Variants in DCLK1 observed in about 807,000 individuals in gnomAD.
DCLK1 encodes the protein doublecortin like kinase 1, also known as serine/threonine-protein kinase DCLK1.
Under a neutral mutation model 86.2 loss-of-function variants are expected in DCLK1, and 16 were observed. The observed-to-expected ratio is 0.19, with a 90% CI of 0.13 to 0.28. DCLK1 has a LOEUF of 0.28. Among genes scored for constraint, DCLK1 ranks in the 10% least tolerant of loss-of-function variants. The pLI, the probability that DCLK1 is intolerant of heterozygous loss-of-function variation, is 1.00. For synonymous variants in DCLK1, 369 were observed against 370.5 expected (o/e 1.00, Z 0.05); for missense variants, 590 against 940.2 (o/e 0.63, Z 4.87).
chr13:35,890,762 T>C (rs1195552292), intron 4 of DCLK1, among the ~76,000 whole-genome samples: 5 of 152,158 alleles, frequency 3.3e-5, no homozygotes, highest in African/African-American at 9.7e-5. Flanking sequence ...TTCCCTGTTG[T>C]ATTAGTTTAC....
chr13:35,912,401 T>C (rs995948817), intron 4 of DCLK1, among the ~76,000 whole-genome samples: 46 of 152,212 alleles, frequency 3.0e-4, no homozygotes, highest in African/African-American at 1.1e-3. Context: ...AAACTACCTA[T>C]GGCCCACCCC....
intron 10 of DCLK1, among the ~76,000 whole-genome samples, chr13:35,825,118 G>A (rs554397566): frequency 1.3e-4 from 20 of 152,268 alleles, no homozygotes; most frequent in Middle Eastern, 3.4e-3. Flanking sequence ...ATTAACTGCC[G>A]ATCCACTGCC....
At chr13:36,039,472 C>T (rs577184666) in intron 3 of DCLK1, among the ~76,000 whole-genome samples, 107 of 152,222 alleles carry the variant, frequency 7.0e-4, no homozygotes, top group Admixed American at 1.4e-3. Flanking sequence ...TCAAAATGTG[C>T]GAACATCGGT....
intron 5 of DCLK1, among the ~76,000 whole-genome samples, chr13:35,868,482 A>G (rs929861921): frequency 6.6e-6 from 1 of 152,202 alleles, no homozygotes. Context: ...TTGTTTTTTT[A>G]TTCATCTTAT....
chr13:35,907,848 A>T (rs1874773292), intron 4 of DCLK1, among the ~76,000 whole-genome samples: 1 of 151,606 alleles, frequency 6.6e-6, no homozygotes, highest in Non-Finnish European at 1.5e-5. Context: ...CTTTAAAAAA[A>T]AAAAAAAAGA....
At chr13:36,115,773 A>G (rs1274231795) in intron 2 of DCLK1, among the ~76,000 whole-genome samples, 3 of 151,344 alleles carry the variant, frequency 2.0e-5, no homozygotes, top group South Asian at 2.1e-4. Context: ...GCATGAAATT[A>G]TGTTTGGATC....
chr13:35,847,618 C>CA (rs1165289732), intron 6 of DCLK1: 11 of 649,054 alleles, frequency 1.7e-5, no homozygotes, highest in Admixed American at 2.7e-4. Context: ...TGTTTTTAAG[C>CA]AAAAAAAAGA....
chr13:35,854,012 A>G (rs2153110539), intron 6 of DCLK1, among the ~76,000 whole-genome samples: 1 of 152,280 alleles, frequency 6.6e-6, no homozygotes, highest in East Asian at 1.9e-4. Context: ...GTAGTGATGA[A>G]AAGGTGCTCA....
chr13:36,122,681 C>A (rs1319198195), intron 2 of DCLK1, among the ~76,000 whole-genome samples: 2 of 152,108 alleles, frequency 1.3e-5, no homozygotes, highest in Admixed American at 1.3e-4. Context: ...GCCTGCAATT[C>A]AACTTTCCTT....
intron 4 of DCLK1, among the ~76,000 whole-genome samples, chr13:35,935,038 T>C (rs970893947): frequency 2.6e-5 from 4 of 152,116 alleles, no homozygotes; most frequent in African/African-American, 9.7e-5. Context: ...TGGTGATGTT[T>C]GACTTGAACC....
chr13:36,015,550 C>T lies in DCLK1; in HGVS notation c.724-68093G>A, dbSNP rs148325500. ...AGATGGAACTTAAGTTTTCTTTCAGCCAGAGCTTCTATGATGCTGTGATGT... is the reference window on the plus strand; with the variant it reads ...AGATGGAACTTAAGTTTTCTTTCAGTCAGAGCTTCTATGATGCTGTGATGT... On this transcript the variant is annotated intron_variant, in intron 3 of 16. Coordinates refer to ENST00000360631, the MANE Select transcript of DCLK1 (RefSeq NM_001330071.2). 2.0e-3 allele frequency among the ~76,000 whole-genome samples: 310 copies of T among 152,272 alleles called. 1 individual carries two copies. The highest frequency in any genetic ancestry group is 7.1e-3 in the African/African-American group (296 of 41,542).
chr13:36,115,539 T>C (rs373749695), intron 2 of DCLK1, among the ~76,000 whole-genome samples: 85 of 152,170 alleles, frequency 5.6e-4, no homozygotes, highest in African/African-American at 1.9e-3. Context: ...TGTTTGTTTG[T>C]TTTTTCAGTT....
chr13:36,058,037 A>T (rs1024703288), intron 3 of DCLK1, among the ~76,000 whole-genome samples: 1 of 152,176 alleles, frequency 6.6e-6, no homozygotes, highest in Non-Finnish European at 1.5e-5. Context: ...CAATAACAGT[A>T]AATATCAAGA....
intron 4 of DCLK1, among the ~76,000 whole-genome samples, chr13:35,945,993 T>C (rs2153132961): frequency 6.6e-6 from 1 of 152,256 alleles, no homozygotes; most frequent in South Asian, 2.1e-4. Flanking sequence ...TTTTAAAAAT[T>C]CTTATCCCTC....
intron 3 of DCLK1, among the ~76,000 whole-genome samples, chr13:36,045,336 A>G (rs1242322588): frequency 0.011 from 545 of 51,856 alleles, 1 homozygote; most frequent in African/African-American, 0.042. Flanking sequence ...GTGTGTGTAT[A>G]TATATATATA....
chr13:35,978,203 C>CTTTTTT lies in DCLK1; in HGVS notation c.724-30752_724-30747dup, dbSNP rs11311688. Among the ~76,000 whole-genome samples the CTTTTTT allele has an allele frequency of 6.8e-3, 562 of 82,748 alleles. 2 individuals carry two copies. Among genetic ancestry groups the CTTTTTT allele is most frequent in the East Asian group, 0.023 (60 of 2,618 alleles). 54.3% of individuals were successfully genotyped at this position (82,748 alleles called of 152,430 possible). ...TCCAGTTTTTTTTTTCTTTTCTTTT[C>CTTTTTT]TTTTTTTTTTTTTTTTTTTTTTTGA... On this transcript the variant is annotated intron_variant, in intron 3 of 16. Coordinates refer to ENST00000360631, the MANE Select transcript of DCLK1 (RefSeq NM_001330071.2).
intron 6 of DCLK1, among the ~76,000 whole-genome samples, chr13:35,844,069 A>G (rs1870007178): frequency 1.3e-5 from 2 of 152,210 alleles, no homozygotes; most frequent in South Asian, 4.1e-4. Flanking sequence ...GCAATTACTA[A>G]TAAGGCTCCA....
intron 3 of DCLK1, among the ~76,000 whole-genome samples, chr13:36,056,588 C>A: frequency 2.6e-5 from 3 of 117,398 alleles, no homozygotes; most frequent in South Asian, 2.7e-4. Flanking sequence ...GCACAATGTG[C>A]ACATGTACCC....
chr13:36,097,543 AAAGT>A (rs2138152416), intron 3 of DCLK1, among the ~76,000 whole-genome samples: 1 of 152,278 alleles, frequency 6.6e-6, no homozygotes, highest in South Asian at 2.1e-4. Context: ...ATAATAATCT[AAAGT>A]AAGATTCTTA....
Sources: gnomAD v4.1 joint callset for allele counts (sites outside exome capture counted in the v4.1 genomes callset) on GRCh38, gnomAD v4.1.1 for gene constraint, MANE v1.5 for transcripts, NCBI Gene and HGNC (gene_info 2026-07-23, HGNC 2026-07-21) for gene names.